SLC24A2: variants seen among roughly 807,000 people sequenced by gnomAD.
SLC24A2 encodes sodium/potassium/calcium exchanger 2.
Under a neutral mutation model 62.0 loss-of-function variants are expected in SLC24A2, and 36 were observed. The observed-to-expected ratio is 0.58, with a 90% CI of 0.44 to 0.77. The LOEUF is 0.77. SLC24A2 is among the 30% of genes least tolerant of loss of function. SLC24A2 has a pLI of 0.00. For missense variants in SLC24A2, 846 were observed against 817.9 expected (o/e 1.03, Z -0.42); for synonymous variants, 358 against 294.0 (o/e 1.22, Z -2.23).
chr9:19,975,509 T>C, the SLC24A2 span, among the ~76,000 whole-genome samples: 1 of 152,194 alleles, frequency 6.6e-6, no homozygotes, highest in Non-Finnish European at 1.5e-5. Context: ...TTGGTTAAGT[T>C]GTGGAACTTC....
chr9:20,084,163 T>C, the SLC24A2 span, among the ~76,000 whole-genome samples: 2 of 152,210 alleles, frequency 1.3e-5, no homozygotes, highest in South Asian at 2.1e-4. Context: ...AAGAAAATAG[T>C]GTTGCCAAGT....
At chr9:20,014,250 C>T in the SLC24A2 span, among the ~76,000 whole-genome samples, 2 of 151,942 alleles carry the variant, frequency 1.3e-5, no homozygotes, top group African/African-American at 4.8e-5. Context: ...GGAGTAGATG[C>T]AGAGAAAAGG....
chr9:19,699,680 T>C (rs1050728147), intron 2 of SLC24A2, among the ~76,000 whole-genome samples: 3 of 152,316 alleles, frequency 2.0e-5, no homozygotes, highest in East Asian at 3.9e-4. Flanking sequence ...TGGAAAGAAA[T>C]GTATCAAATT....
At chr9:20,300,429 G>T in the SLC24A2 span, among the ~76,000 whole-genome samples, 1 of 152,092 alleles carries the variant, frequency 6.6e-6, no homozygotes, top group Non-Finnish European at 1.5e-5. Flanking sequence ...TGGAACTATT[G>T]TGAGAAACTA....
the SLC24A2 span, among the ~76,000 whole-genome samples, chr9:20,145,642 T>C: frequency 6.6e-6 from 1 of 151,246 alleles, no homozygotes; most frequent in African/African-American, 2.4e-5. Context: ...ATTACACATA[T>C]ATACAGGAAG....
the SLC24A2 span, among the ~76,000 whole-genome samples, chr9:20,220,291 C>T: frequency 3.3e-5 from 5 of 152,088 alleles, no homozygotes; most frequent in South Asian, 8.3e-4. Flanking sequence ...TGACTACTTT[C>T]GGCCCTCATT....
chr9:19,597,485 C>T (rs919325206), intron 4 of SLC24A2, among the ~76,000 whole-genome samples: 4 of 152,170 alleles, frequency 2.6e-5, no homozygotes, highest in East Asian at 1.9e-4. Context: ...ATTATGCTAC[C>T]GGGGGTAGAG....
At chr9:19,695,030 G>C (rs7863173) in intron 2 of SLC24A2, among the ~76,000 whole-genome samples, 28,399 of 148,746 alleles carry the variant, frequency 0.19, 5,201 homozygotes, top group African/African-American at 0.48. Context: ...TAAAAAGGCC[G>C]GCCAGCCATA....
the SLC24A2 span, among the ~76,000 whole-genome samples, chr9:20,145,308 G>A: frequency 6.6e-6 from 1 of 151,850 alleles, no homozygotes; most frequent in African/African-American, 2.4e-5. Context: ...CAAAAGTAAG[G>A]GTTATAGTGG....
At chr9:19,698,580 T>C (rs1820261272) in intron 2 of SLC24A2, among the ~76,000 whole-genome samples, 1 of 152,240 alleles carries the variant, frequency 6.6e-6, no homozygotes, top group Admixed American at 6.5e-5. Context: ...CATCCCTTCA[T>C]CTTTAATGAC....
the SLC24A2 span, among the ~76,000 whole-genome samples, chr9:19,960,735 C>T: frequency 2.0e-5 from 3 of 152,076 alleles, no homozygotes; most frequent in Non-Finnish European, 4.4e-5. Flanking sequence ...GCTGTGTGAT[C>T]TTAGGCAAAT....
the SLC24A2 span, among the ~76,000 whole-genome samples, chr9:19,959,447 A>G: frequency 6.6e-6 from 1 of 152,214 alleles, no homozygotes; most frequent in Admixed American, 6.5e-5. Flanking sequence ...ATAAGGTGCC[A>G]CGGTGATTTA....
chr9:19,634,119 T>C (rs889320884), intron 2 of SLC24A2, among the ~76,000 whole-genome samples: 24 of 152,180 alleles, frequency 1.6e-4, no homozygotes, highest in African/African-American at 5.5e-4. Flanking sequence ...TATTATGCCC[T>C]ATATTTATTT....
At chr9:20,231,178 G>A in the SLC24A2 span, among the ~76,000 whole-genome samples, 1 of 152,160 alleles carries the variant, frequency 6.6e-6, no homozygotes, top group Non-Finnish European at 1.5e-5. Context: ...GATGCCTCCA[G>A]CTTTGTTCTT....
At chr9:19,850,042 T>C in the SLC24A2 span, among the ~76,000 whole-genome samples, 2 of 150,426 alleles carry the variant, frequency 1.3e-5, no homozygotes, top group African/African-American at 2.4e-5. Context: ...TTTTGTAGGA[T>C]GAATGTTATG....
intron 2 of SLC24A2, among the ~76,000 whole-genome samples, chr9:19,720,232 A>T (rs1462799936): frequency 1.3e-5 from 2 of 152,204 alleles, no homozygotes; most frequent in African/African-American, 4.8e-5. Flanking sequence ...ATTTATTATT[A>T]TCTTTAATTT....
At chr9:20,015,980 T>C in the SLC24A2 span, among the ~76,000 whole-genome samples, 2 of 152,222 alleles carry the variant, frequency 1.3e-5, no homozygotes, top group African/African-American at 4.8e-5. Context: ...TATTTAAGCA[T>C]TTCCTTCTAT....
intron 2 of SLC24A2, among the ~76,000 whole-genome samples, chr9:19,639,346 C>T (rs912133227): frequency 6.6e-6 from 1 of 152,132 alleles, no homozygotes; most frequent in Non-Finnish European, 1.5e-5. Flanking sequence ...GTTTGTTTTC[C>T]TTCCCCTTGT....
chr9:19,874,862 G>C, the SLC24A2 span, among the ~76,000 whole-genome samples: 2 of 151,976 alleles, frequency 1.3e-5, no homozygotes, highest in African/African-American at 2.4e-5. Flanking sequence ...TTCAATTTTT[G>C]TCTTTAAATT....
Sources: allele counts gnomAD v4.1 joint callset (sites outside exome capture counted in the v4.1 genomes callset), GRCh38; gene constraint gnomAD v4.1.1; transcripts MANE v1.5; gene names NCBI Gene and HGNC (gene_info 2026-07-23, HGNC 2026-07-21).